NRXN3: variants seen among roughly 807,000 people sequenced by gnomAD.
The protein encoded by NRXN3 is neurexin 3.
In NRXN3, 32 loss-of-function variants were observed where a neutral mutation model predicts 137.6. That is an observed-to-expected ratio of 0.23 (90% CI 0.18 to 0.31). The LOEUF is 0.31. Among genes scored for constraint, NRXN3 ranks in the 10% least tolerant of loss-of-function variants. The probability of loss-of-function intolerance (pLI) is 1.00; values close to 1 mark genes in which losing one functional copy is unlikely to be tolerated. For synonymous variants in NRXN3, 798 were observed against 784.5 expected (o/e 1.02, Z -0.29); for missense variants, 1,574 against 2,062.5 (o/e 0.76, Z 4.59).
chr14:78,281,699 C>G (rs186147747), intron 3 of NRXN3, among the ~76,000 whole-genome samples: 2 of 152,324 alleles, frequency 1.3e-5, no homozygotes, highest in East Asian at 3.9e-4. Context: ...CTGACATTCT[C>G]TTAACCCTCC....
At chr14:79,224,496 A>G (rs954263574) in intron 15 of NRXN3, among the ~76,000 whole-genome samples, 7 of 152,178 alleles carry the variant, frequency 4.6e-5, no homozygotes, top group African/African-American at 1.4e-4. Context: ...GGAAGCATTG[A>G]CTGGCCAAAG....
chr14:79,528,202 A>G (rs1013455437), intron 16 of NRXN3, among the ~76,000 whole-genome samples: 3 of 152,220 alleles, frequency 2.0e-5, no homozygotes. Context: ...TGAAAAGAAG[A>G]TAAGTGCCCA....
At chr14:79,465,682 A>T (rs1460936179) in intron 15 of NRXN3, among the ~76,000 whole-genome samples, 1 of 152,232 alleles carries the variant, frequency 6.6e-6, no homozygotes, top group African/African-American at 2.4e-5. Context: ...CTGGAAATAC[A>T]TGCGGACCAG....
intron 15 of NRXN3, among the ~76,000 whole-genome samples, chr14:79,314,639 T>A (rs1373971812): frequency 8.4e-6 from 1 of 119,190 alleles, no homozygotes; most frequent in African/African-American, 3.3e-5. Flanking sequence ...AAGACAGCAG[T>A]AACCTCTGCA....
intron 8 of NRXN3, among the ~76,000 whole-genome samples, chr14:78,764,032 G>A (rs1303450541): frequency 6.6e-6 from 1 of 152,126 alleles, no homozygotes; most frequent in East Asian, 1.9e-4. Flanking sequence ...ACTGGCTTTA[G>A]GTCTGTCTAA....
intron 4 of NRXN3, among the ~76,000 whole-genome samples, chr14:78,377,000 G>A (rs1275490028): frequency 6.6e-6 from 1 of 151,982 alleles, no homozygotes; most frequent in East Asian, 1.9e-4. Context: ...TAATCAATAG[G>A]ACAGCAGGAA....
chr14:78,887,728 A>C (rs1286406500), intron 10 of NRXN3, among the ~76,000 whole-genome samples: 2 of 152,176 alleles, frequency 1.3e-5, no homozygotes, highest in Non-Finnish European at 2.9e-5. Context: ...GATCCTGGAA[A>C]GAAGAAAGAA....
chr14:78,329,378 C>G (rs1308733561), intron 4 of NRXN3, among the ~76,000 whole-genome samples: 2 of 152,038 alleles, frequency 1.3e-5, no homozygotes, highest in Non-Finnish European at 2.9e-5. Flanking sequence ...GTATATGTCT[C>G]TTTAAAAAAG....
rs114000391 is a variant in NRXN3 at position 78,456,564 on chromosome 14, C to G, written c.757+158704C>G. ...CTTCATGTTGCCTTCTTTGCGTGTACTTCATTTCTTTTTCTTTCTTCATCC... is the reference window on the plus strand; with the variant it reads ...CTTCATGTTGCCTTCTTTGCGTGTAGTTCATTTCTTTTTCTTTCTTCATCC... On this transcript the variant is annotated intron_variant, in intron 4 of 20. Coordinates refer to ENST00000335750, the MANE Select transcript of NRXN3 (RefSeq NM_001330195.2). Among the ~76,000 whole-genome samples the G allele has an allele frequency of 3.7e-3, 556 of 152,268 alleles. 3 individuals carry two copies. The highest frequency in any genetic ancestry group is 0.012 in the African/African-American group (505 of 41,546).
chr14:79,823,791 G>GC (rs2099280058), intron 20 of NRXN3: 2 of 338,204 alleles, frequency 5.9e-6, no homozygotes, highest in South Asian at 2.3e-5. Context: ...ATGATGTATG[G>GC]CCCTGCAAGG....
At chr14:78,368,206 CA>C in intron 4 of NRXN3, among the ~76,000 whole-genome samples, 1 of 152,254 alleles carries the variant, frequency 6.6e-6, no homozygotes, top group East Asian at 1.9e-4. Context: ...ATTGAACATG[CA>C]AAGTGAAACA....
At chr14:78,312,781 C>T (rs2078126445) in intron 4 of NRXN3, among the ~76,000 whole-genome samples, 1 of 152,100 alleles carries the variant, frequency 6.6e-6, no homozygotes, top group Non-Finnish European at 1.5e-5. Context: ...TGCCTTCCTT[C>T]AGACTGTTTT....
At chr14:79,691,744 C>T (rs535944015) in intron 17 of NRXN3, among the ~76,000 whole-genome samples, 165 of 152,088 alleles carry the variant, frequency 1.1e-3, no homozygotes, top group Non-Finnish European at 1.5e-3. Flanking sequence ...GATGGGAATA[C>T]GGTAGATTAA....
At chr14:79,138,741 TA>T in intron 15 of NRXN3, among the ~76,000 whole-genome samples, 1 of 152,208 alleles carries the variant, frequency 6.6e-6, no homozygotes, top group Non-Finnish European at 1.5e-5. Context: ...AACATCAGGC[TA>T]AAAATAGTTC....
intron 4 of NRXN3, among the ~76,000 whole-genome samples, chr14:78,402,726 C>G (rs1272166822): frequency 6.6e-6 from 1 of 152,156 alleles, no homozygotes; most frequent in Non-Finnish European, 1.5e-5. Flanking sequence ...GACAGGTTAC[C>G]TAGTATCTCT....
chr14:78,698,294 T>G (rs1200046162), intron 6 of NRXN3: 1 of 152,118 alleles, frequency 6.6e-6, no homozygotes, highest in Non-Finnish European at 1.5e-5. Context: ...TTAAAGGTTC[T>G]ATTTCATTGA....
intron 15 of NRXN3, among the ~76,000 whole-genome samples, chr14:79,082,391 T>TTGTGGGTG (rs1555726534): frequency 4.1e-5 from 6 of 146,936 alleles, no homozygotes; most frequent in African/African-American, 1.5e-4. Context: ...TGCAAACTAA[T>TTGTGGGTG]TGTGTGTGTG....
At chr14:79,443,693 T>G (rs1256897774) in intron 15 of NRXN3, among the ~76,000 whole-genome samples, 1 of 152,246 alleles carries the variant, frequency 6.6e-6, no homozygotes, top group African/African-American at 2.4e-5. Flanking sequence ...GTGTCCTGAA[T>G]GAGGAATCTT....
chr14:79,291,991 G>A lies in NRXN3; in HGVS notation c.3263-175230G>A, dbSNP rs118133570. ...CTTTACTGACCATCCTTCAAGGTAG[G>A]CACTATTGTTATCATGAATTTACGG... is the stretch of plus-strand genomic sequence containing the variant. On this transcript the variant is annotated intron_variant, in intron 15 of 20. Coordinates refer to ENST00000335750, the MANE Select transcript of NRXN3 (RefSeq NM_001330195.2). 5.6e-3 allele frequency among the ~76,000 whole-genome samples: 845 copies of A among 152,112 alleles called. 5 individuals are homozygous for A. The highest frequency in any genetic ancestry group is 7.9e-3 in the Non-Finnish European group (536 of 67,992).
Sources: gnomAD v4.1 joint callset for allele counts (sites outside exome capture counted in the v4.1 genomes callset) on GRCh38, gnomAD v4.1.1 for gene constraint, MANE v1.5 for transcripts, NCBI Gene and HGNC (gene_info 2026-07-23, HGNC 2026-07-21) for gene names.